Variants in USP50 observed in about 807,000 individuals in gnomAD.
USP50 encodes ubiquitin specific peptidase 50, also known as ubiquitin carboxyl-terminal hydrolase 50.
USP50 carries 37 observed loss-of-function variants against 39.2 expected under a neutral mutation model. The ratio of observed to expected loss-of-function variants is 0.94; its 90% CI spans 0.73 to 1.24. The LOEUF is 1.24. Among genes scored for constraint, USP50 ranks in the 50% most tolerant of loss-of-function variants. The pLI is 0.00. For synonymous variants in USP50, 139 were observed against 144.5 expected (o/e 0.96, Z 0.27); for missense variants, 374 against 398.2 (o/e 0.94, Z 0.52).
At chr15:50,538,599 C>T in intron 5 of USP50, 110 bp downstream of exon 5, 2 of 1,173,850 alleles carry the variant, frequency 1.7e-6, no homozygotes, top group South Asian at 2.1e-5. Flanking sequence ...ATGTAATATA[C>T]CAAATATCAT....
At chr15:50,497,514 T>C (rs1203304655), downstream of USP50, 3 of 238,766 alleles carry the variant, frequency 1.3e-5, no homozygotes, top group Non-Finnish European at 1.6e-5. Flanking sequence ...TACAGTATAA[T>C]TCAAACAAAT....
At chr15:50,511,278 T>C (rs757572015) in intron 6 of USP50, 6 of 152,128 alleles carry the variant, frequency 3.9e-5, no homozygotes, top group South Asian at 4.1e-4. Flanking sequence ...AGTAACAAGT[T>C]CGGTTGAGGA....
At chr15:50,522,414 AGAAAAGCTCAG>A (rs1283860033) in intron 6 of USP50, among the ~76,000 whole-genome samples, 1 of 152,328 alleles carries the variant, frequency 6.6e-6, no homozygotes, top group East Asian at 1.9e-4. Flanking sequence ...CTCCCATCAA[AGAAAAGCTCAG>A]GACCAGACTA....
intron 6 of USP50, chr15:50,501,085 C>G (rs2052578067): frequency 2.4e-6 from 1 of 422,260 alleles, no homozygotes; most frequent in Admixed American, 3.5e-5. Flanking sequence ...TTAGCAGCAT[C>G]TGATTAATGT....
downstream of USP50, chr15:50,493,376 C>T (rs775441728): frequency 1.9e-6 from 1 of 519,316 alleles, no homozygotes; most frequent in Non-Finnish European, 3.8e-6. Flanking sequence ...ACATCAAGAA[C>T]CCATTTTACC....
downstream of USP50, chr15:50,499,821 A>AT (rs2052547554): frequency 6.6e-6 from 1 of 152,186 alleles, no homozygotes; most frequent in Non-Finnish European, 1.5e-5. Flanking sequence ...GTATTATCAA[A>AT]TATAGGACAG....
intron 6 of USP50, among the ~76,000 whole-genome samples, chr15:50,528,073 T>G (rs924274946): frequency 6.1e-5 from 9 of 148,684 alleles, no homozygotes; most frequent in Non-Finnish European, 7.5e-5. Context: ...AAGTTTTTTT[T>G]TTTTTTTTTT....
chr15:50,526,408 C>T (rs554541902), intron 6 of USP50, among the ~76,000 whole-genome samples: 2 of 152,212 alleles, frequency 1.3e-5, no homozygotes, highest in African/African-American at 2.4e-5. Flanking sequence ...ATACTTACTC[C>T]GTTCAGATTC....
At chr15:50,542,230 A>G (rs2053035068) in intron 3 of USP50, among the ~76,000 whole-genome samples, 2 of 152,138 alleles carry the variant, frequency 1.3e-5, no homozygotes, top group Admixed American at 6.5e-5. Flanking sequence ...TTAGCTCCAC[A>G]GCTGGCTCTA....
rs34341151 is a variant in USP50 at position 50,527,644 on chromosome 15, G to GT, written c.936+2152dup. Reference sequence around the variant, plus strand: ...CAAAGATGCTTAGTTTTTTATTGTTGTTTTTTTTTTTTTGAGACCGAGTCT... The same window carrying GT: ...CAAAGATGCTTAGTTTTTTATTGTTGTTTTTTTTTTTTTTGAGACCGAGTCT... On this transcript the variant is annotated intron_variant, in intron 6 of 6. Transcript: ENST00000532404. 4.5e-3 allele frequency among the ~76,000 whole-genome samples: 644 copies of GT among 143,170 alleles called. 1 individual carries two copies. The highest frequency in any genetic ancestry group is 0.012 in the African/African-American group (454 of 39,274). The allele number at this position is 143,170 out of a possible 152,430, so 93.9% of individuals were successfully genotyped here. A position where few individuals can be genotyped will look rare whatever the true frequency, so the allele number is the denominator to read the frequency against.
intron 6 of USP50, among the ~76,000 whole-genome samples, chr15:50,525,680 A>C (rs2052889905): frequency 7.3e-6 from 1 of 137,484 alleles, no homozygotes; most frequent in South Asian, 2.3e-4. Flanking sequence ...GTATATATGT[A>C]TATTATATAT....
intron 6 of USP50, among the ~76,000 whole-genome samples, chr15:50,515,431 G>A (rs890308051): frequency 6.6e-6 from 1 of 151,856 alleles, no homozygotes; most frequent in Admixed American, 6.6e-5. Context: ...TGGTAGAGAC[G>A]GGGTTTCACT....
chr15:50,530,847 C>A (rs751245555), intron 5 of USP50, among the ~76,000 whole-genome samples: 1 of 152,068 alleles, frequency 6.6e-6, no homozygotes, highest in Non-Finnish European at 1.5e-5. Flanking sequence ...CCAGCTGAGC[C>A]TATTTATTCT....
chr15:50,542,232 C>T (rs1377072247), intron 3 of USP50, among the ~76,000 whole-genome samples: 1 of 152,092 alleles, frequency 6.6e-6, no homozygotes, highest in Non-Finnish European at 1.5e-5. Context: ...AGCTCCACAG[C>T]TGGCTCTAAT....
chr15:50,540,657 T>A (rs1223415787), intron 4 of USP50, among the ~76,000 whole-genome samples: 1 of 152,140 alleles, frequency 6.6e-6, no homozygotes, highest in African/African-American at 2.4e-5. Flanking sequence ...AGAGACTCAC[T>A]CTGTCACCCA....
intron 6 of USP50, among the ~76,000 whole-genome samples, chr15:50,528,347 G>C (rs992433277): frequency 2.0e-5 from 3 of 151,250 alleles, no homozygotes; most frequent in Non-Finnish European, 4.4e-5. Flanking sequence ...AGCAATCATA[G>C]CTCACTATAG....
chr15:50,536,841 G>C (rs975648532), intron 5 of USP50, among the ~76,000 whole-genome samples: 1 of 152,078 alleles, frequency 6.6e-6, no homozygotes, highest in Non-Finnish European at 1.5e-5. Flanking sequence ...TGGATAAGAA[G>C]CTTCAATATT....
downstream of USP50, chr15:50,497,068 C>A (rs2052444940): frequency 6.3e-7 from 1 of 1,585,434 alleles, no homozygotes; most frequent in Non-Finnish European, 8.5e-7. Context: ...CGAGTATCTG[C>A]TACTTGTTTT....
intron 3 of USP50, 133 bp from the exon 4 acceptor site, chr15:50,541,397 C>T: frequency 1.4e-6 from 1 of 695,102 alleles, no homozygotes; most frequent in Non-Finnish European, 2.4e-6. Context: ...TCTGTGGTGC[C>T]AGCTACTTGG....
Sources: gnomAD v4.1 joint callset for allele counts (sites outside exome capture counted in the v4.1 genomes callset) on GRCh38, gnomAD v4.1.1 for gene constraint, MANE v1.5 for transcripts, NCBI Gene and HGNC (gene_info 2026-07-23, HGNC 2026-07-21) for gene names.